Variants in LHX4 observed in about 807,000 individuals in gnomAD.
LHX4 encodes LIM/homeobox protein Lhx4.
Under a neutral mutation model 39.2 loss-of-function variants are expected in LHX4, and 16 were observed. That is an observed-to-expected ratio of 0.41 (90% CI 0.28 to 0.62). LHX4 has a LOEUF of 0.62. Ranked by LOEUF, LHX4 falls within the 20% of genes least tolerant of loss-of-function variation. LHX4 has a pLI of 0.33. For missense variants in LHX4, 439 were observed against 511.9 expected, an observed-to-expected ratio of 0.86 and a Z score of 1.37; for synonymous variants, 206 against 198.1, an observed-to-expected ratio of 1.04 and a Z score of -0.33.
Position 180,234,316 on chromosome 1 carries a change from G to A in LHX4, c.76+3711G>A, listed in dbSNP as rs1288579906. Among the ~76,000 whole-genome samples, 1 of 151,224 alleles carries A rather than the reference G, an allele frequency of 6.6e-6. No individual in the cohort carries two copies. The highest frequency in any genetic ancestry group is 6.6e-5 in the Admixed American group (1 of 15,164). On this transcript the variant is annotated intron_variant, in intron 1 of 5. Transcript: ENST00000263726. This position sits in a 1 kb window ranked among gnomAD's most constrained non-coding sequence, Gnocchi z 4.8. Reference sequence around the variant, plus strand: ...CTGCGTCGCGAGAATATATTCTCAGGCAGGAGACAATTTTTACAGATGAGG... The same window carrying A: ...CTGCGTCGCGAGAATATATTCTCAGACAGGAGACAATTTTTACAGATGAGG...
Position 180,277,481 on chromosome 1 carries a change from A to G in LHX4, c.*2902A>G, listed in dbSNP as rs1177254184. ...TTTAGAGTAGGAAGCTCTTGAATCC[A>G]GGAGCAAATTAGTTAAAACCCCAAG... is the stretch of plus-strand genomic sequence containing the variant. On this transcript the variant is annotated 3_prime_UTR_variant, in exon 6 of 6. Coordinates refer to ENST00000263726, the MANE Select transcript of LHX4 (RefSeq NM_033343.4). The G allele has an allele frequency of 6.6e-6, 1 of 152,234 alleles. No individual in the cohort carries two copies. The highest frequency in any genetic ancestry group is 1.5e-5 in the Non-Finnish European group (1 of 68,044). 9.4% of individuals were successfully genotyped at this position (152,234 alleles called of 1,614,324 possible).
Position 180,271,478 on chromosome 1 carries a change from C to T in LHX4, c.550C>T (p.Arg184Trp). 1.2e-6 allele frequency: 2 copies of T among 1,614,160 alleles called. No individual in the cohort carries two copies. The highest frequency in any genetic ancestry group is 1.1e-5 in the South Asian group (1 of 91,090). ...NAYKNSPKPA[R>W]HVREQLSSET... ...ATACAAGAACTCCCCCAAGCCTGCC[C>T]GGCACGTGAGGGAGCAGCTGTCCTC... The change falls in exon 4 of 6, where the codon CGG (arginine) becomes TGG (tryptophan). Residue 184 changes from arginine to tryptophan, a missense_variant. Coordinates refer to ENST00000263726, the MANE Select transcript of LHX4 (RefSeq NM_033343.4).
intron 5 of LHX4, 134 bp from the exon 6 acceptor site, chr1:180,274,051 G>T: frequency 9.0e-7 from 1 of 1,106,104 alleles, no homozygotes; most frequent in Non-Finnish European, 1.4e-6. Flanking sequence ...TGGTGTGTCT[G>T]ACCCATGCTT....
At chr1:180,269,287 G>T (rs1648486911) in intron 3 of LHX4, among the ~76,000 whole-genome samples, 1 of 152,118 alleles carries the variant, frequency 6.6e-6, no homozygotes, top group African/African-American at 2.4e-5. Context: ...AGGGTATCAT[G>T]GGCTCCCTTG....
chr1:180,241,361 G>T (rs915912501), intron 1 of LHX4, among the ~76,000 whole-genome samples: 1 of 152,222 alleles, frequency 6.6e-6, no homozygotes, highest in Non-Finnish European at 1.5e-5. Flanking sequence ...GTGTTTAGGA[G>T]GGGGTTGAGG....
rs112368687 is a variant in LHX4 at position 180,246,885 on chromosome 1, C to A, written c.77-1400C>A. ...TTAGCGATAAACATCTATGGCATTA[C>A]CCTTGTGTGCCAGGCACCGTGCTAG... On this transcript the variant is annotated intron_variant, in intron 1 of 5. Transcript: ENST00000263726. Among the ~76,000 whole-genome samples the A allele has an allele frequency of 6.3e-3, 966 of 152,256 alleles. 9 individuals carry two copies. Among genetic ancestry groups the A allele is most frequent in the African/African-American group, 0.016 (680 of 41,534 alleles).
Position 180,275,534 on chromosome 1 carries a change from C to G in LHX4, c.*955C>G, listed in dbSNP as rs1648975132. 6.6e-6 allele frequency: 1 copy of G among 152,200 alleles called. No homozygotes were observed. Among genetic ancestry groups the G allele is most frequent in the South Asian group, 2.1e-4 (1 of 4,836 alleles). 9.4% of individuals were successfully genotyped at this position (152,200 alleles called of 1,614,324 possible). ...TGCCAGTCTTCCAGAGTTCCCCATC[C>G]CTTGTAGGGTGAAATATTTGGAGTC... On this transcript the variant is annotated 3_prime_UTR_variant, in exon 6 of 6. Transcript: ENST00000263726.
Position 180,266,776 on chromosome 1 carries a change from G to T in LHX4, c.451+182G>T, listed in dbSNP as rs1406226307. 2.0e-5 allele frequency among the ~76,000 whole-genome samples: 3 copies of T among 152,186 alleles called. No homozygotes were observed. The highest frequency in any genetic ancestry group is 7.2e-5 in the African/African-American group (3 of 41,458). On this transcript the variant is annotated intron_variant, in intron 3 of 5. Transcript: ENST00000263726. The surrounding 1 kb of genome is among the most constrained non-coding windows in gnomAD (Gnocchi z 5.7). ...AGAGTAAATGCTGAACACCTCCCCG[G>T]CCGTTAGCACTCGCCGGCTTCATGG...
At position 180,234,193 on chromosome 1, in the gene LHX4, ATATATATATATATATATATATATATAT is replaced by A. The variant is rs1664254209; in HGVS notation, c.76+3589_76+3615del. Among the ~76,000 whole-genome samples, 2 of 85,718 alleles carry A rather than the reference ATATATATATATATATATATATATATAT, an allele frequency of 2.3e-5. No individual in the cohort carries two copies. Among genetic ancestry groups the A allele is most frequent in the South Asian group, 5.0e-4 (1 of 2,016 alleles). 56.2% of individuals were successfully genotyped at this position (85,718 alleles called of 152,430 possible). A position where few individuals can be genotyped will look rare whatever the true frequency, so the allele number is the denominator to read the frequency against. ...ATTATATATATATATATATATATATATATATATATATATATATATATATATATAATAGATTGAGATTCTATCATATTC... is the reference window on the plus strand; with the variant it reads ...ATTATATATATATATATATATATATAAATAGATTGAGATTCTATCATATTC... On this transcript the variant is annotated intron_variant, in intron 1 of 5. Transcript: ENST00000263726. The surrounding 1 kb of genome is among the most constrained non-coding windows in gnomAD (Gnocchi z 4.8).
At chr1:180,271,619 G>A in intron 4 of LHX4, 85 bp downstream of exon 4, 1 of 1,536,668 alleles carries the variant, frequency 6.5e-7, no homozygotes, top group Non-Finnish European at 9.0e-7. Context: ...TCAGCTCACG[G>A]GTGGTTGGGC....
intron 1 of LHX4, among the ~76,000 whole-genome samples, chr1:180,243,492 G>A (rs982488798): frequency 2.0e-5 from 3 of 152,136 alleles, no homozygotes; most frequent in Non-Finnish European, 2.9e-5. Context: ...GTTTAATTAA[G>A]AGGCTTATGT....
rs371001568 is a variant in LHX4 at position 180,236,068 on chromosome 1, AG to A, written c.76+5469del. ...CTGCCTCTTGACACGCCAAAAACAA[AG>A]GGGGGTTAAGGCAAGAATGTAGACT... On this transcript the variant is annotated intron_variant, in intron 1 of 5. Transcript: ENST00000263726. Among the ~76,000 whole-genome samples, 7 of 152,178 alleles carry A rather than the reference AG, an allele frequency of 4.6e-5. No homozygotes were observed. In the South Asian group the frequency reaches 1.5e-3, roughly 32 times the overall value.
chr1:180,241,543 C>A (rs191841564), intron 1 of LHX4, among the ~76,000 whole-genome samples: 3 of 152,070 alleles, frequency 2.0e-5, no homozygotes, highest in Non-Finnish European at 2.9e-5. Context: ...CCTGATGTGG[C>A]CATAACACAG....
intron 3 of LHX4, chr1:180,269,851 A>AT (rs1269587392): frequency 1.3e-5 from 2 of 152,200 alleles, no homozygotes; most frequent in African/African-American, 4.8e-5. Flanking sequence ...CTCTCTAAGT[A>AT]GTGTAGTCTC....
At chr1:180,253,378 T>A (rs1311959644) in intron 2 of LHX4, among the ~76,000 whole-genome samples, 1 of 152,234 alleles carries the variant, frequency 6.6e-6, no homozygotes, top group Non-Finnish European at 1.5e-5. Flanking sequence ...ACAGACCTCT[T>A]GGAGCTGGGT....
At position 180,274,763 on chromosome 1, in the gene LHX4, G is replaced by A. The variant is rs2149269194; in HGVS notation, c.*184G>A. ...ACTAGGGCATTGTTTCCCTGGGGAA[G>A]CAGTGGGAGAGCAGACTCATCTCAG... On this transcript the variant is annotated 3_prime_UTR_variant, in exon 6 of 6. Coordinates refer to ENST00000263726, the MANE Select transcript of LHX4 (RefSeq NM_033343.4). The A allele has an allele frequency of 4.4e-6, 3 of 680,100 alleles. No homozygotes were observed. Among genetic ancestry groups the A allele is most frequent in the East Asian group, 2.7e-5 (1 of 36,456 alleles). 42.1% of individuals were successfully genotyped at this position (680,100 alleles called of 1,614,324 possible).
chr1:180,250,348 T>TGTGTGTGCGC (rs561965552), intron 2 of LHX4, among the ~76,000 whole-genome samples: 4 of 63,436 alleles, frequency 6.3e-5, no homozygotes, highest in Non-Finnish European at 1.3e-4. Flanking sequence ...TGTGTGTGTG[T>TGTGTGTGCGC]GCGCGCGTGG....
intron 2 of LHX4, among the ~76,000 whole-genome samples, chr1:180,250,479 G>A (rs558890152): frequency 6.6e-6 from 1 of 152,324 alleles, no homozygotes; most frequent in Non-Finnish European, 1.5e-5. Context: ...GTGATGAGGT[G>A]TGTGCAGATG....
intron 2 of LHX4, among the ~76,000 whole-genome samples, chr1:180,263,700 T>C (rs531272084): frequency 1.4e-4 from 21 of 152,360 alleles, no homozygotes; most frequent in Middle Eastern, 6.8e-3. Context: ...ACTGTCGGTA[T>C]GTAGATTAAA....
Sources: allele counts gnomAD v4.1 joint callset (sites outside exome capture counted in the v4.1 genomes callset), GRCh38; gene constraint gnomAD v4.1.1; non-coding constraint Gnocchi (gnomAD v3.1); transcripts MANE v1.5; gene names NCBI Gene and HGNC (gene_info 2026-07-23, HGNC 2026-07-21).